Variants in NFATC1 observed in about 807,000 individuals in gnomAD.
NFATC1 encodes the protein nuclear factor of activated T-cells, cytoplasmic 1.
Under a neutral mutation model 76.0 loss-of-function variants are expected in NFATC1, and 22 were observed. The ratio of observed to expected loss-of-function variants is 0.29; its 90% CI spans 0.21 to 0.41. The LOEUF (loss-of-function observed/expected upper bound fraction) is 0.41, where lower values mean the gene tolerates loss of function less well. NFATC1 is among the 10% of genes least tolerant of loss of function. NFATC1 has a pLI of 1.00. For synonymous variants in NFATC1, 704 were observed against 613.1 expected (o/e 1.15, Z -2.19); for missense variants, 1,357 against 1,337.7 (o/e 1.01, Z -0.23).
chr18:79,508,685 G>C (rs1295274648), intron 9 of NFATC1, among the ~76,000 whole-genome samples: 1 of 151,010 alleles, frequency 6.6e-6, no homozygotes, highest in Non-Finnish European at 1.5e-5. Flanking sequence ...CTTCCTCCCT[G>C]TCTCTGCCTC....
chr18:79,498,312 A>G (rs541931273), intron 9 of NFATC1: 2 of 152,150 alleles, frequency 1.3e-5, no homozygotes, highest in East Asian at 1.9e-4. Context: ...TGTGGCAAAT[A>G]TATCTTACCA....
chr18:79,482,346 G>GT (rs2089309355), intron 8 of NFATC1, among the ~76,000 whole-genome samples: 1 of 137,692 alleles, frequency 7.3e-6, no homozygotes. Flanking sequence ...AGCGTGACCT[G>GT]GTCCTGGGGT....
At position 79,419,368 on chromosome 18, in the gene NFATC1, GA is replaced by G. The variant is rs1408479531; in HGVS notation, c.1226+7868del. Among the ~76,000 whole-genome samples the G allele has an allele frequency of 4.6e-5, 7 of 152,232 alleles. No homozygotes were observed. In the East Asian group the frequency reaches 1.4e-3, roughly 29 times the overall value. ...ATGTTGCCCCATCTCACCGAAGACCGAGTGCCCGGGAGCCCCCCTAGGAGGG... is the reference window on the plus strand; with the variant it reads ...ATGTTGCCCCATCTCACCGAAGACCGGTGCCCGGGAGCCCCCCTAGGAGGG... On this transcript the variant is annotated intron_variant, in intron 2 of 9. Transcript: ENST00000427363.
In NFATC1 at chr18:79,410,958, G is replaced by A; in HGVS notation, c.683G>A (p.Cys228Tyr). The change falls in exon 2 of 10, where the codon TGC (cysteine) becomes TAC (tyrosine). Residue 228 changes from cysteine to tyrosine, a missense_variant. Transcript: ENST00000427363. The surrounding 1 kb of genome is among the most constrained non-coding windows in gnomAD (Gnocchi z 6.7). ...GGCTTTCCCCGCGGGCTGGGGGCCT[G>A]CACACTGCTGGGTTCCCCGCGGCAC... ...EEGFPRGLGA[C>Y]TLLGSPRHSP... The A allele has an allele frequency of 1.2e-6, 2 of 1,602,214 alleles. No individual in the cohort carries two copies. The highest frequency in any genetic ancestry group is 2.2e-5 in the South Asian group (2 of 89,562).
At chr18:79,507,705 C>T (rs1028747562) in intron 9 of NFATC1, among the ~76,000 whole-genome samples, 4 of 152,250 alleles carry the variant, frequency 2.6e-5, no homozygotes, top group African/African-American at 9.6e-5. Flanking sequence ...GCACCCCCAC[C>T]CGTGATGTGT....
chr18:79,425,145 G>A (rs1250679419), intron 2 of NFATC1, among the ~76,000 whole-genome samples: 3 of 115,794 alleles, frequency 2.6e-5, no homozygotes, highest in Admixed American at 2.4e-4. Flanking sequence ...CTGCCTCTCT[G>A]TGTCTCTCTC....
intron 2 of NFATC1, among the ~76,000 whole-genome samples, chr18:79,424,475 C>T (rs911515744): frequency 1.5e-5 from 2 of 132,014 alleles, no homozygotes; most frequent in Admixed American, 7.3e-5. Context: ...GTCTCTCTCT[C>T]TCTTTGTCTC....
intron 7 of NFATC1, among the ~76,000 whole-genome samples, chr18:79,461,773 G>C (rs1005765111): frequency 1.2e-4 from 19 of 152,182 alleles, no homozygotes; most frequent in Admixed American, 4.6e-4. Context: ...CTGAGTTCCC[G>C]GGGGGTGGTC....
intron 9 of NFATC1, among the ~76,000 whole-genome samples, chr18:79,512,282 A>T (rs999788670): frequency 6.6e-6 from 1 of 152,148 alleles, no homozygotes; most frequent in Non-Finnish European, 1.5e-5. Context: ...CCTGGGAGGT[A>T]AATAAACGGA....
In NFATC1 at chr18:79,407,840, C is replaced by T. The variant is rs1173346831; in HGVS notation, c.128-2563C>T. Among the ~76,000 whole-genome samples, 5 of 152,276 alleles carry T rather than the reference C, an allele frequency of 3.3e-5. No homozygotes were observed. The East Asian group carries it at 9.6e-4, about 29-fold the overall frequency. ...GGGCATTTCTTTACGATGGGGAAGG[C>T]GGGACTGGGGCCTGGCTAGCACCAT... On this transcript the variant is annotated intron_variant, in intron 1 of 9. Coordinates refer to ENST00000427363, the MANE Select transcript of NFATC1 (RefSeq NM_001278669.2).
chr18:79,474,198 G>A (rs1179747324), intron 8 of NFATC1, among the ~76,000 whole-genome samples: 1 of 70,266 alleles, frequency 1.4e-5, no homozygotes, highest in African/African-American at 7.4e-5. Context: ...CCTGAGGGAA[G>A]CGTGTTCTCA....
intron 6 of NFATC1, among the ~76,000 whole-genome samples, chr18:79,458,417 T>C (rs2144839325): frequency 6.6e-6 from 1 of 152,180 alleles, no homozygotes; most frequent in East Asian, 1.9e-4. Flanking sequence ...CCAGCGGCCC[T>C]CGTGGCTTTC....
At position 79,410,185 on chromosome 18, in the gene NFATC1, A is replaced by T; in HGVS notation, c.128-218A>T. On this transcript the variant is annotated intron_variant, in intron 1 of 9. Coordinates refer to ENST00000427363, the MANE Select transcript of NFATC1 (RefSeq NM_001278669.2). This position sits in a 1 kb window ranked among gnomAD's most constrained non-coding sequence, Gnocchi z 6.7. ...AGGGGAGGAGGGGAGGTGGGCAGTG[A>T]GGGGCTCACGGGAGCCTTGTTGGCC... 1.3e-6 allele frequency: 1 copy of T among 782,702 alleles called. No individual in the cohort carries two copies. The allele number at this position is 782,702 out of a possible 1,614,324, so 48.5% of individuals were successfully genotyped here.
rs890948627 is a variant in NFATC1 at position 79,446,743 on chromosome 18, A to T, written c.1387-2039A>T. Among the ~76,000 whole-genome samples, 4 of 152,146 alleles carry T rather than the reference A, an allele frequency of 2.6e-5. 1 individual carries two copies. Among genetic ancestry groups the T allele is most frequent in the African/African-American group, 9.7e-5 (4 of 41,420 alleles). On this transcript the variant is annotated intron_variant, in intron 3 of 9. Transcript: ENST00000427363. ...AAGGGAAGGGCTTTTTGTTCTGCAG[A>T]GTTACGTGGTCTTAGCAGTAATCAC... is the stretch of plus-strand genomic sequence containing the variant.
intron 8 of NFATC1, chr18:79,468,339 C>T (rs777198556): frequency 2.0e-5 from 3 of 152,264 alleles, no homozygotes; most frequent in African/African-American, 7.2e-5. Flanking sequence ...CCCCCCAGCT[C>T]GGAGAGGACA....
At chr18:79,475,212 C>T (rs926170419) in intron 8 of NFATC1, among the ~76,000 whole-genome samples, 10 of 148,876 alleles carry the variant, frequency 6.7e-5, no homozygotes, top group South Asian at 6.4e-4. Context: ...TCACCGTCGA[C>T]GTTGTAAACC....
intron 2 of NFATC1, among the ~76,000 whole-genome samples, chr18:79,419,507 G>A (rs930198098): frequency 6.8e-6 from 1 of 147,796 alleles, no homozygotes; most frequent in Admixed American, 6.6e-5. Context: ...GCACCTGCCT[G>A]CCCGGGAGCC....
chr18:79,399,243 C>G (rs981502484), intron 1 of NFATC1, among the ~76,000 whole-genome samples: 1 of 152,364 alleles, frequency 6.6e-6, no homozygotes, highest in Admixed American at 6.5e-5. Flanking sequence ...CCACACGGAA[C>G]GATGGCTTAT....
chr18:79,426,545 G>C (rs2086342351), intron 2 of NFATC1, among the ~76,000 whole-genome samples: 1 of 151,934 alleles, frequency 6.6e-6, no homozygotes, highest in African/African-American at 2.4e-5. Flanking sequence ...TTTGACCTGT[G>C]GGCTCACACT....
Sources: allele counts gnomAD v4.1 joint callset (sites outside exome capture counted in the v4.1 genomes callset), GRCh38; gene constraint gnomAD v4.1.1; non-coding constraint Gnocchi (gnomAD v3.1); transcripts MANE v1.5; gene names NCBI Gene and HGNC (gene_info 2026-07-23, HGNC 2026-07-21).